Variants in CAMTA1 observed in about 807,000 individuals in gnomAD.
CAMTA1 encodes the protein calmodulin binding transcription activator 1, also known as calmodulin-binding transcription activator 1.
Under a neutral mutation model 170.9 loss-of-function variants are expected in CAMTA1, and 27 were observed. The ratio of observed to expected loss-of-function variants is 0.16; its 90% CI spans 0.12 to 0.22. The LOEUF is 0.22. Among genes scored for constraint, CAMTA1 ranks in the 10% least tolerant of loss-of-function variants. The pLI, the probability that CAMTA1 is intolerant of heterozygous loss-of-function variation, is 1.00. For synonymous variants in CAMTA1, 833 were observed against 891.5 expected, an observed-to-expected ratio of 0.93 and a Z score of 1.17; for missense variants, 1,619 against 2,217.2, an observed-to-expected ratio of 0.73 and a Z score of 5.42.
chr1:7,105,641 T>G (rs1229991880), intron 4 of CAMTA1, among the ~76,000 whole-genome samples: 1 of 152,220 alleles, frequency 6.6e-6, no homozygotes, highest in Non-Finnish European at 1.5e-5. Flanking sequence ...GCCTCAAAGT[T>G]GATTTTAAAA....
At chr1:7,636,662 T>G (rs941043456) in intron 6 of CAMTA1, among the ~76,000 whole-genome samples, 1 of 150,780 alleles carries the variant, frequency 6.6e-6, no homozygotes, top group Admixed American at 6.6e-5. Flanking sequence ...TGAGCCGAGA[T>G]CATGCCATTG....
chr1:6,870,035 A>AGGTACATAGAGATAATTGATTTGAACC (rs1553170102), intron 3 of CAMTA1, among the ~76,000 whole-genome samples: 1 of 152,198 alleles, frequency 6.6e-6, no homozygotes, highest in Non-Finnish European at 1.5e-5. Context: ...GTAATGAAGG[A>AGGTACATAGAGATAATTGATTTGAACC]GGTACATAGA....
intron 1 of CAMTA1, among the ~76,000 whole-genome samples, chr1:6,793,187 G>A (rs766105388): frequency 1.6e-4 from 24 of 152,056 alleles, no homozygotes; most frequent in Non-Finnish European, 7.4e-5. Flanking sequence ...CAGTTCAGTC[G>A]CTAGTTTTGG....
At chr1:6,916,232 C>T (rs925497967) in intron 3 of CAMTA1, among the ~76,000 whole-genome samples, 3 of 152,130 alleles carry the variant, frequency 2.0e-5, no homozygotes, top group African/African-American at 7.2e-5. Flanking sequence ...GGATTCAGCT[C>T]CACCACCTGT....
At chr1:7,746,351 G>A (rs975251652) in intron 18 of CAMTA1, among the ~76,000 whole-genome samples, 1 of 152,124 alleles carries the variant, frequency 6.6e-6, no homozygotes, top group Non-Finnish European at 1.5e-5. Flanking sequence ...GCAGTGTGGG[G>A]GCATTAAGTA....
At chr1:7,484,009 A>G (rs141350270) in intron 6 of CAMTA1, among the ~76,000 whole-genome samples, 61 of 152,256 alleles carry the variant, frequency 4.0e-4, no homozygotes, top group African/African-American at 1.3e-3. Context: ...CCCTGCACTT[A>G]CTACCCTCGT....
intron 3 of CAMTA1, among the ~76,000 whole-genome samples, chr1:6,857,736 A>G (rs566458309): frequency 2.0e-5 from 3 of 152,376 alleles, no homozygotes; most frequent in South Asian, 4.1e-4. Context: ...CTTGGAACAT[A>G]CAAAACATAA....
chr1:6,971,496 C>T lies in CAMTA1; in HGVS notation c.235-119808C>T, dbSNP rs970183212. Among the ~76,000 whole-genome samples the T allele has an allele frequency of 1.3e-5, 2 of 152,166 alleles. No homozygotes were observed. The highest frequency in any genetic ancestry group is 2.1e-4 in the South Asian group (1 of 4,828). On this transcript the variant is annotated intron_variant, in intron 3 of 22. Transcript: ENST00000303635. The surrounding 1 kb of genome is among the most constrained non-coding windows in gnomAD (Gnocchi z 4.6). ...TTGATTTGGTTTTGTTTTTACCACC[C>T]CCACCCTCACTACTAATTTTACGTT...
intron 4 of CAMTA1, among the ~76,000 whole-genome samples, chr1:7,160,826 G>A (rs532188068): frequency 3.3e-5 from 5 of 152,010 alleles, no homozygotes; most frequent in African/African-American, 9.7e-5. Flanking sequence ...CCTGACATGC[G>A]TTTCTCTTGG....
At chr1:7,523,522 A>G (rs533415501) in intron 6 of CAMTA1, among the ~76,000 whole-genome samples, 1 of 152,286 alleles carries the variant, frequency 6.6e-6, no homozygotes, top group South Asian at 2.1e-4. Context: ...ATTTTCCTCC[A>G]TTGGCATGTT....
rs541069622 is a variant in CAMTA1 at position 6,903,102 on chromosome 1, G to T, written c.234+77892G>T. On this transcript the variant is annotated intron_variant, in intron 3 of 22. Coordinates refer to ENST00000303635, the MANE Select transcript of CAMTA1 (RefSeq NM_015215.4). ...AATTATTACAGTGGAATACTGCTGA[G>T]TAATAAAAAAGAATGAACTACTGTT... Among the ~76,000 whole-genome samples, 69 of 152,286 alleles carry T rather than the reference G, an allele frequency of 4.5e-4. No individual in the cohort carries two copies. In the South Asian group the frequency reaches 0.014, roughly 32 times the overall value.
intron 3 of CAMTA1, among the ~76,000 whole-genome samples, chr1:6,856,724 A>T (rs1308173232): frequency 6.6e-6 from 1 of 152,198 alleles, no homozygotes; most frequent in Non-Finnish European, 1.5e-5. Context: ...GCTACAAGAG[A>T]GGACAATGTA....
intron 6 of CAMTA1, among the ~76,000 whole-genome samples, chr1:7,500,587 C>A (rs35931742): frequency 0.17 from 26,506 of 152,018 alleles, 2,357 homozygotes; most frequent in South Asian, 0.25. Context: ...CTGGGTGGGC[C>A]CGTGGGTCCT....
chr1:6,880,596 T>C (rs1671291296), intron 3 of CAMTA1, among the ~76,000 whole-genome samples: 1 of 152,184 alleles, frequency 6.6e-6, no homozygotes, highest in South Asian at 2.1e-4. Flanking sequence ...CACTGTATTG[T>C]CCAGGCTGGT....
Position 7,665,824 on chromosome 1 carries a change from G to A in CAMTA1, c.2652+625G>A, listed in dbSNP as rs1437846776. ...TATGTGTTGAGTCCATCTATGTTTT[G>A]CTTTGCTTTTTTTTTGAAAAGGGGT... On this transcript the variant is annotated intron_variant, in intron 9 of 22. Coordinates refer to ENST00000303635, the MANE Select transcript of CAMTA1 (RefSeq NM_015215.4). The surrounding 1 kb of genome is among the most constrained non-coding windows in gnomAD (Gnocchi z 4.3). Among the ~76,000 whole-genome samples the A allele has an allele frequency of 1.3e-5, 2 of 152,042 alleles. No homozygotes were observed. The highest frequency in any genetic ancestry group is 4.8e-5 in the African/African-American group (2 of 41,402).
At chr1:7,582,830 A>G (rs1331652790) in intron 6 of CAMTA1, among the ~76,000 whole-genome samples, 1 of 151,404 alleles carries the variant, frequency 6.6e-6, no homozygotes, top group African/African-American at 2.4e-5. Flanking sequence ...CACCCAGGAG[A>G]CTGGGGACTG....
chr1:7,696,046 G>A (rs1014632966), intron 11 of CAMTA1, among the ~76,000 whole-genome samples: 5 of 152,102 alleles, frequency 3.3e-5, no homozygotes, highest in East Asian at 1.9e-4. Flanking sequence ...TCATTTTCAC[G>A]GGTACCTGAC....
At chr1:6,859,334 A>G (rs1663756818) in intron 3 of CAMTA1, among the ~76,000 whole-genome samples, 1 of 152,184 alleles carries the variant, frequency 6.6e-6, no homozygotes. Flanking sequence ...ATGTGTGTGC[A>G]TAAAGACATA....
At chr1:7,629,547 T>G (rs529753094) in intron 6 of CAMTA1, among the ~76,000 whole-genome samples, 1 of 152,370 alleles carries the variant, frequency 6.6e-6, no homozygotes, top group South Asian at 2.1e-4. Context: ...GAACCCGTAT[T>G]CTTAGCTTTC....
Sources: gnomAD v4.1 joint callset for allele counts (sites outside exome capture counted in the v4.1 genomes callset) on GRCh38, gnomAD v4.1.1 for gene constraint, Gnocchi (gnomAD v3.1) non-coding constraint, MANE v1.5 for transcripts, NCBI Gene and HGNC (gene_info 2026-07-23, HGNC 2026-07-21) for gene names.